ZSCAN30: variants seen among roughly 807,000 people sequenced by gnomAD.
The protein encoded by ZSCAN30 is zinc finger and SCAN domain containing 30, also known as zinc finger and SCAN domain-containing protein 30.
Under a neutral mutation model 44.3 loss-of-function variants are expected in ZSCAN30, and 37 were observed. The observed-to-expected ratio is 0.84, with a 90% CI of 0.64 to 1.10. The LOEUF (loss-of-function observed/expected upper bound fraction) is 1.10. Among genes scored for constraint, ZSCAN30 ranks in the 50% least tolerant of loss-of-function variants. The pLI is 0.00. For synonymous variants in ZSCAN30, 181 were observed against 204.6 expected (o/e 0.88, Z 0.98); for missense variants, 549 against 582.6 (o/e 0.94, Z 0.59).
At chr18:35,277,494 TTA>T (rs1491298775) in intron 1 of ZSCAN30, among the ~76,000 whole-genome samples, 1 of 152,206 alleles carries the variant, frequency 6.6e-6, no homozygotes, top group East Asian at 1.9e-4. Flanking sequence ...CATGCTGTTC[TTA>T]TGACAGTGAG....
chr18:35,262,697 A>G (rs1344970028), intron 3 of ZSCAN30: 1 of 152,076 alleles, frequency 6.6e-6, no homozygotes, highest in Non-Finnish European at 1.5e-5. Context: ...AGCTTCTAGC[A>G]CCCCAGAGTG....
Position 35,253,455 on chromosome 18 carries a change from C to T in ZSCAN30, c.1480G>A (p.Val494Ile). 5 of 1,569,088 alleles carry T rather than the reference C, an allele frequency of 3.2e-6. No homozygotes were observed. The highest frequency in any genetic ancestry group is 4.3e-6 in the Non-Finnish European group (5 of 1,155,572). The part of the protein sequence containing the change: ...LMQHQRTHTR[V>I] ...TACAACTCTTACCCACAGAGTTAAA[C>T]TCTGGTGTGTGTTCTCTGATGCTGC... The change falls in exon 4 of 4, where the codon GTT (valine) becomes ATT (isoleucine). Residue 494 changes from valine (V) to isoleucine (I), a missense_variant. Physicochemically the swap from Val to Ile is conservative, Grantham distance 29 (BLOSUM62 3). Transcript: ENST00000333206.
chr18:35,266,153 G>C (rs1345954415), intron 1 of ZSCAN30, among the ~76,000 whole-genome samples: 5 of 152,214 alleles, frequency 3.3e-5, no homozygotes, highest in Non-Finnish European at 7.3e-5. Context: ...CAGGGCTTTA[G>C]TAAGTGCCAC....
At chr18:35,266,587 G>A (rs1333632461) in intron 1 of ZSCAN30, 1 of 151,282 alleles carries the variant, frequency 6.6e-6, no homozygotes, top group Non-Finnish European at 1.5e-5. Context: ...CTCCTAAACC[G>A]TGCTTTGCCA....
Position 35,264,020 on chromosome 18 carries a change from A to C in ZSCAN30, c.333T>G (p.His111Gln), listed in dbSNP as rs777649033. The change falls in exon 2 of 4, where the codon CAT (histidine) becomes CAG (glutamine). Residue 111 changes from histidine to glutamine, a missense_variant. His to Gln is a conservative substitution (Grantham distance 24). Coordinates refer to ENST00000333206, the MANE Select transcript of ZSCAN30 (RefSeq NM_001112734.4). Reference protein sequence around the residue: ...PEELQAWLREHRPENGEEAVT... With the variant: ...PEELQAWLREQRPENGEEAVT... Reference sequence around the variant, plus strand: ...CAGCTTCCTCTCCATTCTCTGGCCGATGCTCTCGCAGCCAAGCTTGCAGCT... The same window carrying C: ...CAGCTTCCTCTCCATTCTCTGGCCGCTGCTCTCGCAGCCAAGCTTGCAGCT... 2.9e-5 allele frequency: 47 copies of C among 1,614,020 alleles called. 1 individual carries two copies. Among genetic ancestry groups the C allele is most frequent in the Middle Eastern group, 3.3e-4 (2 of 6,084 alleles).
chr18:35,262,976 C>G, intron 3 of ZSCAN30: 1 of 170,050 alleles, frequency 5.9e-6, no homozygotes, highest in Non-Finnish European at 1.3e-5. Context: ...TTTCCCTGTT[C>G]AAATGATTAT....
chr18:35,276,426 G>C (rs1598646643), intron 1 of ZSCAN30, among the ~76,000 whole-genome samples: 4 of 152,268 alleles, frequency 2.6e-5, no homozygotes. Context: ...CCATCACAGG[G>C]CTTGGGGCTT....
chr18:35,280,448 T>A (rs1176773203), intron 1 of ZSCAN30, among the ~76,000 whole-genome samples: 3 of 151,820 alleles, frequency 2.0e-5, no homozygotes, highest in Admixed American at 1.3e-4. Flanking sequence ...TGGCTTTCAG[T>A]TATTTAACAG....
intron 1 of ZSCAN30, among the ~76,000 whole-genome samples, chr18:35,278,743 C>T (rs2044407180): frequency 6.6e-6 from 1 of 152,206 alleles, no homozygotes; most frequent in Non-Finnish European, 1.5e-5. Context: ...ACACCTTCTA[C>T]TCCTTGCTTG....
intron 1 of ZSCAN30, among the ~76,000 whole-genome samples, chr18:35,270,403 G>A (rs1370598505): frequency 6.6e-6 from 1 of 152,188 alleles, no homozygotes; most frequent in African/African-American, 2.4e-5. Flanking sequence ...CATATCCTCT[G>A]TATCTCTTAT....
At chr18:35,281,535 C>A (rs2044456329) in intron 1 of ZSCAN30, 1 of 152,132 alleles carries the variant, frequency 6.6e-6, no homozygotes, top group African/African-American at 2.4e-5. Context: ...AAACACTTTA[C>A]CTTTGTACAT....
At chr18:35,283,308 T>C (rs576588026) in intron 1 of ZSCAN30, 1 of 152,322 alleles carries the variant, frequency 6.6e-6, no homozygotes, top group African/African-American at 2.4e-5. Context: ...CAAGAATAGC[T>C]TGAACCCAGG....
chr18:35,263,922 A>C, intron 2 of ZSCAN30, 23 bp downstream of exon 2: 1 of 1,603,994 alleles, frequency 6.2e-7, no homozygotes, highest in Non-Finnish European at 8.5e-7. Context: ...TAGATCAAAC[A>C]AACAAAAATG....
chr18:35,271,960 C>T lies in ZSCAN30; in HGVS notation c.-103-7505G>A, dbSNP rs189917628. ...CTCCAAGTGCGGGGCCCGCCGAGCC[C>T]GCGCCCACCCGGAACTCGCGCTGGC... is the stretch of plus-strand genomic sequence containing the variant. On this transcript the variant is annotated intron_variant, in intron 1 of 3. Coordinates refer to ENST00000333206, the MANE Select transcript of ZSCAN30 (RefSeq NM_001112734.4). Among the ~76,000 whole-genome samples, 1,233 of 152,256 alleles carry T rather than the reference C, an allele frequency of 8.1e-3. 11 individuals carry two copies. Among genetic ancestry groups the T allele is most frequent in the African/African-American group, 0.022 (920 of 41,574 alleles).
intron 1 of ZSCAN30, among the ~76,000 whole-genome samples, chr18:35,272,077 T>C (rs1229433241): frequency 6.6e-6 from 1 of 152,198 alleles, no homozygotes; most frequent in East Asian, 1.9e-4. Flanking sequence ...GCTTCCACAG[T>C]GCAGCGGCTG....
At chr18:35,261,970 T>C (rs949444121) in intron 3 of ZSCAN30, 1 of 152,176 alleles carries the variant, frequency 6.6e-6, no homozygotes. Flanking sequence ...TGGGGAAGGT[T>C]GGGAAGCAGT....
At position 35,258,226 on chromosome 18, in the gene ZSCAN30, T is replaced by C. The variant is rs545361942; in HGVS notation, c.554-3845A>G. On this transcript the variant is annotated intron_variant, in intron 3 of 3. Coordinates refer to ENST00000333206, the MANE Select transcript of ZSCAN30 (RefSeq NM_001112734.4). ...ATAAGGAGACTTAACAGGAACCCAG[T>C]CAAGGCCATTCATGGCCATGGGACC... 45 of 503,778 alleles carry C rather than the reference T, an allele frequency of 8.9e-5. No individual in the cohort carries two copies. The East Asian group carries it at 1.6e-3, about 18-fold the overall frequency. The allele number at this position is 503,778 out of a possible 1,614,324, so 31.2% of individuals were successfully genotyped here.
intron 1 of ZSCAN30, chr18:35,289,451 T>C (rs1216101374): frequency 6.6e-6 from 1 of 152,178 alleles, no homozygotes; most frequent in African/African-American, 2.4e-5. Context: ...CCACCTCAAC[T>C]ACCACTTAGC....
chr18:35,276,221 G>A (rs2044364313), intron 1 of ZSCAN30, among the ~76,000 whole-genome samples: 1 of 151,756 alleles, frequency 6.6e-6, no homozygotes, highest in Admixed American at 6.6e-5. Context: ...TGAAGAACTG[G>A]TATTAATTCT....
Sources: gnomAD v4.1 joint callset for allele counts (sites outside exome capture counted in the v4.1 genomes callset) on GRCh38, gnomAD v4.1.1 for gene constraint, MANE v1.5 for transcripts, NCBI Gene and HGNC (gene_info 2026-07-23, HGNC 2026-07-21) for gene names.